The following CLIP4 variants were observed in gnomAD, a reference collection of about 807,000 sequenced individuals.
CLIP4 encodes CAP-Gly domain-containing linker protein 4.
Under a neutral mutation model 73.1 loss-of-function variants are expected in CLIP4, and 47 were observed. That is an observed-to-expected ratio of 0.64 (90% CI 0.51 to 0.82). CLIP4 has a LOEUF of 0.82. CLIP4 is among the 40% of genes least tolerant of loss of function. The pLI is 0.00. For synonymous variants in CLIP4, 306 were observed against 295.4 expected (o/e 1.04, Z -0.37); for missense variants, 874 against 852.9 (o/e 1.02, Z -0.31).
chr2:29,143,211 T>C (rs3100227), intron 6 of CLIP4, among the ~76,000 whole-genome samples: 103,404 of 152,010 alleles, frequency 0.68, 35,632 homozygotes, highest in East Asian at 0.86. Flanking sequence ...GCTCTCCGTT[T>C]AGGACCTGAG....
intron 8 of CLIP4, 98 bp from the exon 9 acceptor site, chr2:29,152,586 AG>A (rs1386109754): frequency 1.2e-5 from 15 of 1,267,784 alleles, no homozygotes; most frequent in Non-Finnish European, 1.5e-5. Flanking sequence ...TGGGCACTAA[AG>A]GTTTATATTA....
chr2:29,148,687 C>T (rs909231579), intron 8 of CLIP4, among the ~76,000 whole-genome samples: 2 of 152,144 alleles, frequency 1.3e-5, no homozygotes, highest in African/African-American at 4.8e-5. Context: ...ACGTGAATCT[C>T]TCTTGATTTT....
At chr2:29,119,012 A>G (rs141417199) in intron 1 of CLIP4, among the ~76,000 whole-genome samples, 9 of 152,338 alleles carry the variant, frequency 5.9e-5, no homozygotes, top group South Asian at 4.1e-4. Context: ...ATCTGAGACT[A>G]TAAGGAAGTT....
chr2:29,156,527 G>A, intron 10 of CLIP4, 84 bp downstream of exon 10: 1 of 1,003,876 alleles, frequency 1.0e-6, no homozygotes. Flanking sequence ...TTTATATGGA[G>A]GTTAAGTTTT....
intron 4 of CLIP4, among the ~76,000 whole-genome samples, chr2:29,133,023 AC>A (rs958383775): frequency 6.6e-6 from 1 of 152,110 alleles, no homozygotes; most frequent in African/African-American, 2.4e-5. Context: ...CCTTGTCTCT[AC>A]AAAAAATTAA....
chr2:29,120,893 A>C lies in CLIP4; in HGVS notation c.-15-481A>C, dbSNP rs923238254. On this transcript the variant is annotated intron_variant, in intron 1 of 15. Coordinates refer to ENST00000320081, the MANE Select transcript of CLIP4 (RefSeq NM_024692.6). ...TAGATTTGTAAGAGGGATATGATTA[A>C]TTTTCAGTAAAGTTTTCTGGGATAG... is the stretch of plus-strand genomic sequence containing the variant. Among the ~76,000 whole-genome samples the C allele has an allele frequency of 5.1e-4, 77 of 152,300 alleles. 1 individual carries two copies. Among genetic ancestry groups the C allele is most frequent in the South Asian group, 2.1e-4 (1 of 4,830 alleles).
chr2:29,151,049 C>T (rs536684985), intron 8 of CLIP4, among the ~76,000 whole-genome samples: 186 of 152,206 alleles, frequency 1.2e-3, no homozygotes, highest in African/African-American at 4.2e-3. Context: ...TTTTCTCCTA[C>T]TTATGAATAA....
intron 2 of CLIP4, among the ~76,000 whole-genome samples, chr2:29,121,976 C>G (rs1360206948): frequency 1.3e-5 from 2 of 152,156 alleles, no homozygotes; most frequent in African/African-American, 4.8e-5. Context: ...AATTTAGAAG[C>G]ATTCCACTTC....
At chr2:29,156,555 A>C (rs1279388271) in intron 10 of CLIP4, 112 bp downstream of exon 10, 4 of 709,754 alleles carry the variant, frequency 5.6e-6, no homozygotes, top group Non-Finnish European at 9.2e-6. Flanking sequence ...GCAAGGGAAA[A>C]ATTATAGTAA....
At chr2:29,137,788 A>T in intron 6 of CLIP4, among the ~76,000 whole-genome samples, 2 of 151,824 alleles carry the variant, frequency 1.3e-5, no homozygotes. Flanking sequence ...AGCATTTTTT[A>T]TATTTGTTGG....
At chr2:29,126,634 G>C (rs1031132641) in intron 2 of CLIP4, among the ~76,000 whole-genome samples, 2 of 152,246 alleles carry the variant, frequency 1.3e-5, no homozygotes, top group Non-Finnish European at 2.9e-5. Flanking sequence ...GGAGCATCTT[G>C]AGATGCTGAA....
chr2:29,171,104 C>G (rs1667973534), intron 14 of CLIP4, among the ~76,000 whole-genome samples: 1 of 152,150 alleles, frequency 6.6e-6, no homozygotes, highest in Admixed American at 6.5e-5. Context: ...TGTATATAAA[C>G]TTCATAATCA....
chr2:29,130,480 C>A, intron 2 of CLIP4: 1 of 275,408 alleles, frequency 3.6e-6, no homozygotes, highest in Non-Finnish European at 6.6e-6. Context: ...GTCATGCTGA[C>A]CAAGAAATGA....
intron 2 of CLIP4, among the ~76,000 whole-genome samples, chr2:29,122,240 C>CTTTTTTTTTTTTTTTTT (rs11359647): frequency 7.4e-6 from 1 of 135,274 alleles, no homozygotes; most frequent in Non-Finnish European, 1.6e-5. Flanking sequence ...CTCCAAGTTT[C>CTTTTTTTTTTTTTTTTT]TTTTTTTTTT....
At chr2:29,155,858 G>A (rs1405269259) in intron 9 of CLIP4, among the ~76,000 whole-genome samples, 2 of 152,178 alleles carry the variant, frequency 1.3e-5, no homozygotes, top group African/African-American at 4.8e-5. Flanking sequence ...TCAAAGCCCA[G>A]CAGAGGCTCC....
At chr2:29,124,916 A>T (rs1365263341) in intron 2 of CLIP4, among the ~76,000 whole-genome samples, 1 of 152,154 alleles carries the variant, frequency 6.6e-6, no homozygotes, top group Non-Finnish European at 1.5e-5. Context: ...ATTATGGGTC[A>T]TGTTTTCTTC....
At chr2:29,155,612 T>C (rs992120603) in intron 9 of CLIP4, among the ~76,000 whole-genome samples, 1 of 152,214 alleles carries the variant, frequency 6.6e-6, no homozygotes, top group African/African-American at 2.4e-5. Context: ...AAATATTTTA[T>C]AACTGAAAAA....
intron 14 of CLIP4, among the ~76,000 whole-genome samples, chr2:29,170,832 C>T (rs890994803): frequency 1.3e-5 from 2 of 151,476 alleles, no homozygotes; most frequent in African/African-American, 2.4e-5. Flanking sequence ...TCCAGTTGTT[C>T]GAGTATTAGG....
At chr2:29,131,166 T>C (rs1664943480) in intron 2 of CLIP4, 92 bp from the exon 3 acceptor site, 3 of 1,098,470 alleles carry the variant, frequency 2.7e-6, no homozygotes, top group South Asian at 3.3e-5. Context: ...AAAATATTTG[T>C]ATCATTTGAA....
Sources: gnomAD v4.1 joint callset for allele counts (sites outside exome capture counted in the v4.1 genomes callset) on GRCh38, gnomAD v4.1.1 for gene constraint, MANE v1.5 for transcripts, NCBI Gene and HGNC (gene_info 2026-07-23, HGNC 2026-07-21) for gene names.